The following NOX4 variants were observed in gnomAD, a reference collection of about 807,000 sequenced individuals.
The protein encoded by NOX4 is NADPH oxidase 4.
Under a neutral mutation model 87.6 loss-of-function variants are expected in NOX4, and 69 were observed. The ratio of observed to expected loss-of-function variants is 0.79; its 90% CI spans 0.65 to 0.96. The LOEUF (loss-of-function observed/expected upper bound fraction) is 0.96, where lower values mean the gene tolerates loss of function less well. Ranked by LOEUF, NOX4 falls within the 40% of genes least tolerant of loss-of-function variation. NOX4 has a pLI of 0.00. For missense variants in NOX4, 680 were observed against 681.5 expected (o/e 1.00, Z 0.02); for synonymous variants, 275 against 238.2 (o/e 1.15, Z -1.42).
intron 11 of NOX4, among the ~76,000 whole-genome samples, chr11:89,394,502 AT>A (rs200005808): frequency 1.3e-5 from 2 of 151,860 alleles, no homozygotes; most frequent in South Asian, 2.1e-4. Context: ...TTCTGAAGTA[AT>A]TTTTTTATTA....
At chr11:89,360,736 A>C (rs1190734394) in intron 12 of NOX4, among the ~76,000 whole-genome samples, 3 of 152,068 alleles carry the variant, frequency 2.0e-5, no homozygotes, top group Admixed American at 6.6e-5. Context: ...ATCTACAAGG[A>C]ATTAAAACAA....
intron 17 of NOX4, among the ~76,000 whole-genome samples, chr11:89,331,635 G>T (rs537234499): frequency 5.3e-5 from 8 of 151,656 alleles, no homozygotes; most frequent in East Asian, 3.9e-4. Flanking sequence ...TTCTTGCTTG[G>T]CTTTGACAGG....
chr11:89,538,676 A>C, the NOX4 span, among the ~76,000 whole-genome samples: 7 of 152,090 alleles, frequency 4.6e-5, no homozygotes, highest in Admixed American at 2.6e-4. Flanking sequence ...CTAAGTAATA[A>C]ATTTCTCCAA....
chr11:89,425,748 A>T (rs1182124833), intron 7 of NOX4, among the ~76,000 whole-genome samples: 3 of 152,014 alleles, frequency 2.0e-5, no homozygotes, highest in Non-Finnish European at 2.9e-5. Flanking sequence ...TTGGGTAGTG[A>T]GTAGACTTGT....
the NOX4 span, among the ~76,000 whole-genome samples, chr11:89,562,447 C>T: frequency 2.0e-5 from 3 of 151,932 alleles, no homozygotes; most frequent in African/African-American, 7.2e-5. Context: ...TCCAATCTAT[C>T]CCACCCACTG....
At chr11:89,327,703 C>T (rs1945278006) in intron 17 of NOX4, among the ~76,000 whole-genome samples, 1 of 151,942 alleles carries the variant, frequency 6.6e-6, no homozygotes, top group South Asian at 2.1e-4. Context: ...GTCAGAATAA[C>T]TCGCACTGAA....
At chr11:89,487,470 T>C (rs1946676039) in intron 2 of NOX4, among the ~76,000 whole-genome samples, 1 of 152,158 alleles carries the variant, frequency 6.6e-6, no homozygotes, top group Non-Finnish European at 1.5e-5. Context: ...TTACCTTACA[T>C]TTCACAGACG....
intron 11 of NOX4, among the ~76,000 whole-genome samples, chr11:89,373,900 T>C (rs1333903387): frequency 6.6e-6 from 1 of 151,922 alleles, no homozygotes; most frequent in African/African-American, 2.4e-5. Context: ...CCTAACAAAT[T>C]CCAGGGAGAA....
chr11:89,539,247 C>A, the NOX4 span, among the ~76,000 whole-genome samples: 1 of 152,188 alleles, frequency 6.6e-6, no homozygotes, highest in African/African-American at 2.4e-5. Flanking sequence ...TCCTGGCTAA[C>A]ACGATGAAAA....
the NOX4 span, among the ~76,000 whole-genome samples, chr11:89,534,677 T>G: frequency 1.3e-5 from 2 of 152,172 alleles, no homozygotes; most frequent in African/African-American, 4.8e-5. Flanking sequence ...CTTAGAATGG[T>G]CTCAGAGTTC....
At chr11:89,552,432 G>T in the NOX4 span, among the ~76,000 whole-genome samples, 1 of 152,058 alleles carries the variant, frequency 6.6e-6, no homozygotes, top group Non-Finnish European at 1.5e-5. Context: ...TTATCTTTCT[G>T]TCTCTTTTCA....
intron 6 of NOX4, among the ~76,000 whole-genome samples, chr11:89,437,211 CA>C (rs1944122139): frequency 6.6e-6 from 1 of 151,594 alleles, no homozygotes; most frequent in Non-Finnish European, 1.5e-5. Context: ...AAAAAAAATA[CA>C]AAAAACTTAG....
At chr11:89,552,491 A>T in the NOX4 span, among the ~76,000 whole-genome samples, 1 of 152,134 alleles carries the variant, frequency 6.6e-6, no homozygotes, top group African/African-American at 2.4e-5. Flanking sequence ...TTAGACTATT[A>T]CAACAGATTC....
intron 2 of NOX4, among the ~76,000 whole-genome samples, chr11:89,454,849 T>A (rs1445767027): frequency 1.3e-5 from 2 of 152,112 alleles, no homozygotes; most frequent in Non-Finnish European, 2.9e-5. Flanking sequence ...AAGTAAGAAC[T>A]ATTATACTCA....
intron 12 of NOX4, among the ~76,000 whole-genome samples, chr11:89,363,179 A>G (rs1266367700): frequency 6.6e-6 from 1 of 152,132 alleles, no homozygotes; most frequent in African/African-American, 2.4e-5. Context: ...ACAAAAAGCA[A>G]AAGAAGCGGA....
the NOX4 span, among the ~76,000 whole-genome samples, chr11:89,566,272 T>A: frequency 6.6e-6 from 1 of 152,114 alleles, no homozygotes; most frequent in Non-Finnish European, 1.5e-5. Context: ...CTTGATCTCC[T>A]GACCTTGTGC....
chr11:89,547,592 A>T, the NOX4 span, among the ~76,000 whole-genome samples: 1 of 152,206 alleles, frequency 6.6e-6, no homozygotes, highest in African/African-American at 2.4e-5. Context: ...GCATTTTAAC[A>T]TGATATTCAA....
In NOX4 at chr11:89,335,928, T is replaced by A. The variant is rs745784756; in HGVS notation, c.1533A>T (p.Lys511Asn). 24 of 1,594,354 alleles carry A rather than the reference T, an allele frequency of 1.5e-5. No homozygotes were observed. Among genetic ancestry groups the A allele is most frequent in the Non-Finnish European group, 2.0e-5 (23 of 1,170,404 alleles). ...ACAGTCTTGAATTCAGTGCATGATATTTTTCTCCAATTATCTTCTGCCAAA... is the reference window on the plus strand; with the variant it reads ...ACAGTCTTGAATTCAGTGCATGATAATTTTCTCCAATTATCTTCTGCCAAA... Reference protein sequence around the residue: ...TDGIQKIIGEKYHALNSRLFI... With the variant: ...TDGIQKIIGENYHALNSRLFI... Residue 511 changes from lysine to asparagine, a missense_variant, in exon 17 of 18, where the codon AAA becomes AAT. Lys to Asn is a moderately conservative substitution (Grantham distance 94, BLOSUM62 0). Coordinates refer to ENST00000263317, the MANE Select transcript of NOX4 (RefSeq NM_016931.5).
At chr11:89,429,981 C>T (rs981949260) in intron 7 of NOX4, among the ~76,000 whole-genome samples, 2 of 152,146 alleles carry the variant, frequency 1.3e-5, no homozygotes, top group African/African-American at 2.4e-5. Context: ...CCGAATCCAG[C>T]AGCACATCAA....
Sources: gnomAD v4.1 joint callset for allele counts (sites outside exome capture counted in the v4.1 genomes callset) on GRCh38, gnomAD v4.1.1 for gene constraint, MANE v1.5 for transcripts, NCBI Gene and HGNC (gene_info 2026-07-23, HGNC 2026-07-21) for gene names.